The following NADK variants were observed in gnomAD, a reference collection of about 807,000 sequenced individuals.
NADK encodes the protein poly(P)/ATP NAD kinase.
In NADK, 22 loss-of-function variants were observed where a neutral mutation model predicts 49.8. The ratio of observed to expected loss-of-function variants is 0.44; its 90% CI spans 0.32 to 0.63. The LOEUF is 0.63. NADK is among the 30% of genes least tolerant of loss of function. The probability of loss-of-function intolerance (pLI) is 0.06; values close to 1 mark genes in which losing one functional copy is unlikely to be tolerated. For missense variants in NADK, 438 were observed against 609.4 expected, an observed-to-expected ratio of 0.72 and a Z score of 2.96; for synonymous variants, 268 against 253.7, an observed-to-expected ratio of 1.06 and a Z score of -0.54.
chr1:1,753,315 T>G, intron 11 of NADK, among the ~76,000 whole-genome samples: 1 of 148,840 alleles, frequency 6.7e-6, no homozygotes, highest in Non-Finnish European at 1.5e-5. Context: ...AGGAGGTGGG[T>G]GGGGGTGGGC....
At chr1:1,762,594 T>C (rs1180153158) in intron 2 of NADK, among the ~76,000 whole-genome samples, 2 of 151,678 alleles carry the variant, frequency 1.3e-5, no homozygotes, top group Non-Finnish European at 2.9e-5. Flanking sequence ...CCATCCTTAC[T>C]AAAAAAAGAA....
intron 1 of NADK, among the ~76,000 whole-genome samples, chr1:1,771,808 T>C (rs1646059499): frequency 6.6e-6 from 1 of 152,078 alleles, no homozygotes; most frequent in Non-Finnish European, 1.5e-5. Flanking sequence ...GGAAATTTTT[T>C]TTTTTTTGTC....
Position 1,754,208 on chromosome 1 carries a change from C to T in NADK, c.944G>A (p.Gly315Glu). The part of the protein sequence containing the change: ...GHLITTVQGD[G>E]VIVSTPTGST... ...GCCCGTCGGGGTGGACACGATCACTCCTGACAGGGACAGGCGCAGGCGTCA... is the reference window on the plus strand; with the variant it reads ...GCCCGTCGGGGTGGACACGATCACTTCTGACAGGGACAGGCGCAGGCGTCA... Residue 315 changes from glycine (G) to glutamate (E), a missense_variant and splice_region_variant, in exon 10 of 12, where the codon GGA (glycine) becomes GAA (glutamate). Coordinates refer to ENST00000341426, the MANE Select transcript of NADK (RefSeq NM_023018.5). The surrounding 1 kb of genome is among the most constrained non-coding windows in gnomAD (Gnocchi z 4.3). 1 of 1,612,908 alleles carries T rather than the reference C, an allele frequency of 6.2e-7. No homozygotes were observed. The highest frequency in any genetic ancestry group is 8.5e-7 in the Non-Finnish European group (1 of 1,179,850).
intron 2 of NADK, among the ~76,000 whole-genome samples, chr1:1,763,543 C>T (rs1407926773): frequency 4.0e-5 from 6 of 149,252 alleles, no homozygotes; most frequent in African/African-American, 7.4e-5. Flanking sequence ...CACTTGAACT[C>T]GGGAGGCAGA....
In NADK at chr1:1,754,712, G is replaced by A. The variant is rs756524959; in HGVS notation, c.689-14C>T. On this transcript the variant is annotated splice_polypyrimidine_tract_variant and intron_variant, in intron 7 of 11. Transcript: ENST00000341426. This position sits in a 1 kb window ranked among gnomAD's most constrained non-coding sequence, Gnocchi z 4.3. ...CAGCTGCGTTCCCTGAGGTCCAGCA[G>A]GAGTCAGAGGGCATGCATCAGGGAA... is the stretch of plus-strand genomic sequence containing the variant. 2 of 1,604,354 alleles carry A rather than the reference G, an allele frequency of 1.2e-6. No individual in the cohort carries two copies. The highest frequency in any genetic ancestry group is 1.7e-6 in the Non-Finnish European group (2 of 1,175,370).
chr1:1,753,685 C>T (rs1645407005), intron 10 of NADK, 36 bp from the exon 11 acceptor site: 1 of 1,560,850 alleles, frequency 6.4e-7, no homozygotes, highest in East Asian at 2.3e-5. Context: ...GGGCCCCCAG[C>T]TGTGGGGAGG....
intron 1 of NADK, among the ~76,000 whole-genome samples, chr1:1,777,596 C>G (rs1646249432): frequency 6.9e-6 from 1 of 144,666 alleles, no homozygotes; most frequent in Admixed American, 6.9e-5. Flanking sequence ...CAAAAGGAAT[C>G]TCATTGCTTG....
chr1:1,773,729 T>TGAGAGAGAGAGAGAGAGAGA (rs61141524), intron 1 of NADK, among the ~76,000 whole-genome samples: 4 of 128,974 alleles, frequency 3.1e-5, no homozygotes, highest in Admixed American at 7.3e-5. Context: ...TGTGTGTGTG[T>TGAGAGAGAGAGAGAGAGAGA]GAGAGAGAGA....
intron 1 of NADK, among the ~76,000 whole-genome samples, chr1:1,770,307 A>G (rs1329523441): frequency 6.6e-6 from 1 of 152,240 alleles, no homozygotes; most frequent in Non-Finnish European, 1.5e-5. Context: ...GCAATAACAT[A>G]AGAAAAAAAT....
intron 2 of NADK, among the ~76,000 whole-genome samples, chr1:1,762,783 G>C (rs1024043638): frequency 6.6e-6 from 1 of 151,940 alleles, no homozygotes; most frequent in African/African-American, 2.4e-5. Flanking sequence ...ATGAATGAAT[G>C]AATGAATGAA....
At position 1,752,747 on chromosome 1, in the gene NADK, T is replaced by G; in HGVS notation, c.*157A>C. 2 of 811,418 alleles carry G rather than the reference T, an allele frequency of 2.5e-6. No individual in the cohort carries two copies. Among genetic ancestry groups the G allele is most frequent in the Non-Finnish European group, 3.8e-6 (2 of 526,792 alleles). The allele number at this position is 811,418 out of a possible 1,614,324, so 50.3% of individuals were successfully genotyped here. ...AAGTCAGACATTTTAAAAAAACAGC[T>G]GATCTGGACAAAAGGCAGACCCAGG... On this transcript the variant is annotated 3_prime_UTR_variant, in exon 12 of 12. Transcript: ENST00000341426.
intron 1 of NADK, among the ~76,000 whole-genome samples, chr1:1,777,714 C>T (rs1043544938): frequency 1.3e-5 from 2 of 152,080 alleles, no homozygotes; most frequent in Non-Finnish European, 2.9e-5. Flanking sequence ...AAAAAAACGA[C>T]GACCTAGAGC....
rs1645375424 is a variant in NADK, at chr1:1,753,003, C to T, written c.1242G>A (p.Val414=). 3 of 1,608,500 alleles carry T rather than the reference C, an allele frequency of 1.9e-6. No homozygotes were observed. The highest frequency in any genetic ancestry group is 1.7e-6 in the Non-Finnish European group (2 of 1,177,810). ...PLPSICVRDP[V]SDWFESLAQC... is the part of the protein sequence containing the mutation. ...GGGCGAGGCTCTCAAACCAGTCGCTCACGGGGTCCCGCACACAGATGGAGG... is the reference window on the plus strand; with the variant it reads ...GGGCGAGGCTCTCAAACCAGTCGCTTACGGGGTCCCGCACACAGATGGAGG... The change falls in exon 12 of 12, where the codon GTG becomes GTA. Residue 414 remains valine, a synonymous_variant. Transcript: ENST00000341426.
At chr1:1,767,565 G>T (rs1210570932) in intron 1 of NADK, among the ~76,000 whole-genome samples, 1 of 152,140 alleles carries the variant, frequency 6.6e-6, no homozygotes, top group African/African-American at 2.4e-5. Flanking sequence ...ACAAAATAAA[G>T]CCAAACATAC....
chr1:1,768,472 T>G (rs1645952614), intron 1 of NADK, among the ~76,000 whole-genome samples: 2 of 152,146 alleles, frequency 1.3e-5, no homozygotes, highest in African/African-American at 4.8e-5. Context: ...AGAGGATCAA[T>G]GAGCCCAGGA....
chr1:1,758,659 C>T, intron 3 of NADK: 2 of 1,401,004 alleles, frequency 1.4e-6, no homozygotes, highest in South Asian at 1.7e-5. Context: ...AAAGAGCTTC[C>T]TACACTTATA....
chr1:1,757,436 G>C (rs186463864), intron 3 of NADK, 126 bp from the exon 4 acceptor site: 14 of 811,302 alleles, frequency 1.7e-5, no homozygotes, highest in Middle Eastern at 3.2e-4. Flanking sequence ...AAACGTGCTC[G>C]GTGGCCACGG....
At chr1:1,769,494 C>T (rs937316715) in intron 1 of NADK, among the ~76,000 whole-genome samples, 3 of 151,818 alleles carry the variant, frequency 2.0e-5, no homozygotes, top group East Asian at 1.9e-4. Flanking sequence ...GTGCTTGCAG[C>T]GAGCCGATAT....
intron 3 of NADK, chr1:1,761,608 T>C (rs982203551): frequency 7.1e-5 from 17 of 240,038 alleles, no homozygotes; most frequent in Non-Finnish European, 1.4e-4. Context: ...GCCCTGAGGA[T>C]CTCATGTGGA....
Sources: allele counts gnomAD v4.1 joint callset (sites outside exome capture counted in the v4.1 genomes callset), GRCh38; gene constraint gnomAD v4.1.1; non-coding constraint Gnocchi (gnomAD v3.1); transcripts MANE v1.5; gene names NCBI Gene and HGNC (gene_info 2026-07-23, HGNC 2026-07-21).